TANC2: variants seen among roughly 807,000 people sequenced by gnomAD.
TANC2 encodes tetratricopeptide repeat, ankyrin repeat and coiled-coil containing 2, also known as protein TANC2.
Under a neutral mutation model 210.5 loss-of-function variants are expected in TANC2, and 26 were observed. The observed-to-expected ratio is 0.12, with a 90% confidence interval of 0.09 to 0.17. The LOEUF (loss-of-function observed/expected upper bound fraction) is 0.17, where lower values mean the gene tolerates loss of function less well. Among genes scored for constraint, TANC2 ranks in the 10% least tolerant of loss-of-function variants. The pLI, the probability that TANC2 is intolerant of heterozygous loss-of-function variation, is 1.00. For missense variants in TANC2, 2,129 were observed against 2,608.9 expected (o/e 0.82, Z 4.01); for synonymous variants, 931 against 967.1 (o/e 0.96, Z 0.69).
intron 9 of TANC2, among the ~76,000 whole-genome samples, chr17:63,274,056 G>T (rs1315880596): frequency 6.6e-6 from 1 of 152,188 alleles, no homozygotes; most frequent in Non-Finnish European, 1.5e-5. Flanking sequence ...TCATGAACAT[G>T]ATTTAACAAT....
At position 62,981,026 on chromosome 17, in the gene TANC2, CT is replaced by C. The variant is rs750043527; in HGVS notation, c.-24+14279del. 4.6e-5 allele frequency among the ~76,000 whole-genome samples: 7 copies of C among 152,294 alleles called. No individual in the cohort carries two copies. The East Asian group carries it at 7.7e-4, about 17-fold the overall frequency. ...ACTCCATCTGTTTTATACCTGTATA[CT>C]TGTAGGTGAATATGGCTCGAGCAAA... On this transcript the variant is annotated intron_variant, in intron 1 of 27. Transcript: ENST00000689528.
chr17:63,018,494 AAAT>A (rs2143960992), intron 2 of TANC2, among the ~76,000 whole-genome samples: 5 of 141,720 alleles, frequency 3.5e-5, no homozygotes, highest in Admixed American at 1.4e-4. Context: ...AAAAAAAAAT[AAAT>A]AAATAAATAA....
intron 2 of TANC2, among the ~76,000 whole-genome samples, chr17:63,066,584 C>T (rs927487707): frequency 6.6e-6 from 1 of 152,120 alleles, no homozygotes; most frequent in Middle Eastern, 3.2e-3. Flanking sequence ...ATGCTCACCA[C>T]CCCTTTCCTG....
At chr17:63,204,185 A>G (rs2041624589) in intron 7 of TANC2, among the ~76,000 whole-genome samples, 1 of 152,124 alleles carries the variant, frequency 6.6e-6, no homozygotes, top group African/African-American at 2.4e-5. Flanking sequence ...TTGTATTTGT[A>G]TATCCTAAAG....
At chr17:63,395,647 C>A in intron 17 of TANC2, 96 bp from the exon 18 acceptor site, 1 of 1,150,902 alleles carries the variant, frequency 8.7e-7, no homozygotes. Context: ...AAGGATGATT[C>A]TTAGTAGCCT....
chr17:63,101,095 G>A (rs989479859), intron 4 of TANC2, among the ~76,000 whole-genome samples: 1 of 152,142 alleles, frequency 6.6e-6, no homozygotes, highest in Admixed American at 6.5e-5. Flanking sequence ...TGAAGCAGAT[G>A]ATAAGAATTG....
At chr17:63,405,838 A>G (rs1422147475) in intron 20 of TANC2, among the ~76,000 whole-genome samples, 1 of 152,208 alleles carries the variant, frequency 6.6e-6, no homozygotes, top group East Asian at 1.9e-4. Context: ...CAACCACTAG[A>G]GGGCAATAAA....
intron 8 of TANC2, among the ~76,000 whole-genome samples, chr17:63,265,364 A>G (rs2043492577): frequency 6.6e-6 from 1 of 152,192 alleles, no homozygotes; most frequent in South Asian, 2.1e-4. Context: ...CTCAACCTAT[A>G]TCAGTCTTCT....
chr17:63,402,301 G>A (rs1239909734), intron 19 of TANC2, among the ~76,000 whole-genome samples: 1 of 152,012 alleles, frequency 6.6e-6, no homozygotes, highest in Non-Finnish European at 1.5e-5. Flanking sequence ...CTCTTCCTCT[G>A]TGCCTTCCCT....
chr17:63,161,509 A>G (rs2040023648), intron 5 of TANC2, among the ~76,000 whole-genome samples: 1 of 152,300 alleles, frequency 6.6e-6, no homozygotes, highest in Admixed American at 6.5e-5. Flanking sequence ...CACTTAACAC[A>G]GTTACTGACT....
intron 12 of TANC2, among the ~76,000 whole-genome samples, chr17:63,344,543 A>T (rs2046339323): frequency 6.6e-6 from 1 of 152,220 alleles, no homozygotes; most frequent in African/African-American, 2.4e-5. Flanking sequence ...ATTGGAAAGG[A>T]AGAAGTAAAA....
chr17:62,982,169 T>G (rs1209910871), intron 1 of TANC2, among the ~76,000 whole-genome samples: 1 of 152,182 alleles, frequency 6.6e-6, no homozygotes, highest in East Asian at 1.9e-4. Flanking sequence ...GCACCTATCC[T>G]GCATCATTTT....
At chr17:63,004,886 AT>A in intron 1 of TANC2, 1 of 312,644 alleles carries the variant, frequency 3.2e-6, no homozygotes, top group South Asian at 2.9e-5. Context: ...AACCTTGTGG[AT>A]TTTCTCTGTG....
chr17:63,024,493 G>A (rs117040793), intron 2 of TANC2, among the ~76,000 whole-genome samples: 1 of 152,054 alleles, frequency 6.6e-6, no homozygotes, highest in Non-Finnish European at 1.5e-5. Flanking sequence ...CATCTTTACT[G>A]CACCCTGTTT....
At chr17:63,063,391 C>T (rs1485887971) in intron 2 of TANC2, among the ~76,000 whole-genome samples, 1 of 152,172 alleles carries the variant, frequency 6.6e-6, no homozygotes, top group Non-Finnish European at 1.5e-5. Context: ...TTCCTAGCTT[C>T]TAATCATGGC....
chr17:63,417,325 T>C (rs1006222734), intron 26 of TANC2, among the ~76,000 whole-genome samples: 4 of 152,198 alleles, frequency 2.6e-5, no homozygotes, highest in Non-Finnish European at 4.4e-5. Flanking sequence ...CATGCTATAC[T>C]GTGGCTTTGA....
chr17:63,313,391 C>T (rs1450163348), intron 9 of TANC2: 1 of 152,144 alleles, frequency 6.6e-6, no homozygotes, highest in Admixed American at 6.5e-5. Flanking sequence ...AGATATGGAC[C>T]ATCAGGCAGG....
At chr17:63,413,964 A>G (rs1013521097) in intron 25 of TANC2, among the ~76,000 whole-genome samples, 2 of 152,212 alleles carry the variant, frequency 1.3e-5, no homozygotes, top group South Asian at 2.1e-4. Flanking sequence ...TAGTATAGCT[A>G]TTTCCAGTAT....
intron 1 of TANC2, among the ~76,000 whole-genome samples, chr17:62,968,182 CTT>C (rs367675868): frequency 6.5e-4 from 99 of 152,158 alleles, no homozygotes; most frequent in African/African-American, 2.4e-3. Context: ...TTTAATGTAA[CTT>C]ATATGTATAC....
Sources: allele counts gnomAD v4.1 joint callset (sites outside exome capture counted in the v4.1 genomes callset), GRCh38; gene constraint gnomAD v4.1.1; transcripts MANE v1.5; gene names NCBI Gene and HGNC (gene_info 2026-07-23, HGNC 2026-07-21).